Variants in GPC5 observed in about 807,000 individuals in gnomAD.
GPC5 encodes the protein glypican 5.
A neutral mutation model predicts 53.9 loss-of-function variants in GPC5; 47 were observed. That is an observed-to-expected ratio of 0.87 (90% CI 0.69 to 1.11). The LOEUF (loss-of-function observed/expected upper bound fraction) is 1.11. Among genes scored for constraint, GPC5 ranks in the 50% most tolerant of loss-of-function variants. The pLI, the probability that GPC5 is intolerant of heterozygous loss-of-function variation, is 0.00. For synonymous variants in GPC5, 286 were observed against 263.3 expected (o/e 1.09, Z -0.84); for missense variants, 748 against 713.1 (o/e 1.05, Z -0.56).
At chr13:92,503,373 A>G (rs994917986) in intron 7 of GPC5, among the ~76,000 whole-genome samples, 1 of 151,758 alleles carries the variant, frequency 6.6e-6, no homozygotes, top group East Asian at 1.9e-4. Flanking sequence ...CAGCAAATCA[A>G]ATTTGTGGGA....
intron 2 of GPC5, among the ~76,000 whole-genome samples, chr13:91,539,617 C>A (rs1352899340): frequency 2.0e-5 from 3 of 152,084 alleles, no homozygotes; most frequent in African/African-American, 7.2e-5. Context: ...TACCCTAGAG[C>A]CACATGTGGG....
intron 7 of GPC5, among the ~76,000 whole-genome samples, chr13:92,215,334 T>C (rs1391988153): frequency 2.0e-5 from 3 of 152,248 alleles, no homozygotes; most frequent in African/African-American, 7.2e-5. Context: ...TTTATTTCCA[T>C]TTAAAAATCT....
chr13:92,057,389 G>A (rs1354759382), intron 6 of GPC5, among the ~76,000 whole-genome samples: 1 of 152,180 alleles, frequency 6.6e-6, no homozygotes, highest in Non-Finnish European at 1.5e-5. Context: ...ATCCAGCTAA[G>A]CCTTGCCCAA....
At chr13:91,528,708 G>C (rs1383895616) in intron 2 of GPC5, among the ~76,000 whole-genome samples, 2 of 152,174 alleles carry the variant, frequency 1.3e-5, no homozygotes, top group Non-Finnish European at 2.9e-5. Flanking sequence ...AACCCCCTGA[G>C]AGTCAGTAAC....
chr13:91,652,260 G>T (rs577424837), intron 2 of GPC5, among the ~76,000 whole-genome samples: 1 of 151,584 alleles, frequency 6.6e-6, no homozygotes, highest in South Asian at 2.1e-4. Flanking sequence ...GTAAACTGAG[G>T]TGCACAAGCA....
chr13:92,448,296 CTT>C (rs1877914323), intron 7 of GPC5: 1 of 151,930 alleles, frequency 6.6e-6, no homozygotes, highest in Non-Finnish European at 1.5e-5. Context: ...CATGCATTTT[CTT>C]TTGAGTTTTT....
chr13:92,632,537 G>T (rs1461730121), intron 7 of GPC5, among the ~76,000 whole-genome samples: 1 of 147,912 alleles, frequency 6.8e-6, no homozygotes, highest in Non-Finnish European at 1.5e-5. Flanking sequence ...CAAGCTACCT[G>T]TATAGTTTAT....
At chr13:91,765,846 A>G (rs1441651029) in intron 5 of GPC5, among the ~76,000 whole-genome samples, 1 of 152,226 alleles carries the variant, frequency 6.6e-6, no homozygotes, top group East Asian at 1.9e-4. Flanking sequence ...AGAATGCTTT[A>G]AAATAATTCA....
At position 92,176,076 on chromosome 13, in the gene GPC5, G is replaced by A. The variant is rs181946633; in HGVS notation, c.1561+31087G>A. On this transcript the variant is annotated intron_variant, in intron 7 of 7. Coordinates refer to ENST00000377067, the MANE Select transcript of GPC5 (RefSeq NM_004466.6). ...GTGTTTGTTTTCCTCTAAGACAGTG[G>A]TTCTCAAATTTTAATGTGCATCAGA... Among the ~76,000 whole-genome samples, 142 of 152,262 alleles carry A rather than the reference G, an allele frequency of 9.3e-4. 1 individual carries two copies. The highest frequency in any genetic ancestry group is 3.2e-3 in the African/African-American group (135 of 41,550).
intron 2 of GPC5, among the ~76,000 whole-genome samples, chr13:91,451,173 C>T (rs1026641104): frequency 6.6e-6 from 1 of 152,148 alleles, no homozygotes; most frequent in Non-Finnish European, 1.5e-5. Context: ...AATCAATTAA[C>T]TTCTCAAATG....
At chr13:92,073,162 A>G (rs1350290297) in intron 6 of GPC5, among the ~76,000 whole-genome samples, 5 of 152,098 alleles carry the variant, frequency 3.3e-5, no homozygotes, top group African/African-American at 7.2e-5. Context: ...CCTAATTTTC[A>G]TATTTCTTGT....
At chr13:91,431,542 C>T (rs1315169395) in intron 1 of GPC5, among the ~76,000 whole-genome samples, 2 of 152,294 alleles carry the variant, frequency 1.3e-5, no homozygotes, top group East Asian at 1.9e-4. Flanking sequence ...ATAGAATAGG[C>T]ACTTCTCTCC....
At chr13:91,591,043 T>C (rs561629861) in intron 2 of GPC5, among the ~76,000 whole-genome samples, 88 of 152,300 alleles carry the variant, frequency 5.8e-4, no homozygotes, top group Admixed American at 2.4e-3. Context: ...AGCATTGTAT[T>C]GTTGATGTTT....
At chr13:91,442,618 C>T (rs1880519275) in intron 1 of GPC5, among the ~76,000 whole-genome samples, 1 of 152,194 alleles carries the variant, frequency 6.6e-6, no homozygotes, top group African/African-American at 2.4e-5. Context: ...TTGCTGATTG[C>T]ATTCTCATGG....
intron 7 of GPC5, among the ~76,000 whole-genome samples, chr13:92,708,582 T>G (rs1024882869): frequency 2.6e-5 from 4 of 152,184 alleles, no homozygotes; most frequent in African/African-American, 9.7e-5. Flanking sequence ...AATACAGCTC[T>G]AATTTATCAG....
chr13:91,914,092 G>A lies in GPC5; in HGVS notation c.1401+6035G>A, dbSNP rs187154684. 5.3e-5 allele frequency among the ~76,000 whole-genome samples: 8 copies of A among 152,218 alleles called. No homozygotes were observed. In the South Asian group the frequency reaches 1.2e-3, roughly 24 times the overall value. ...TATTATGTTTGTTTATGGCAAAGTT[G>A]TCAGCAAAAAAGTCACAGTTCTGCA... On this transcript the variant is annotated intron_variant, in intron 6 of 7. Transcript: ENST00000377067.
At chr13:92,809,474 A>ATGAC (rs1877215422) in intron 7 of GPC5, among the ~76,000 whole-genome samples, 1 of 152,128 alleles carries the variant, frequency 6.6e-6, no homozygotes, top group African/African-American at 2.4e-5. Context: ...TATAGATTAA[A>ATGAC]TGACTTGTCC....
intron 6 of GPC5, among the ~76,000 whole-genome samples, chr13:92,032,425 A>T (rs1203827338): frequency 1.3e-5 from 2 of 151,202 alleles, no homozygotes; most frequent in East Asian, 3.9e-4. Context: ...GTTTCCCCCC[A>T]AACCTATGGA....
intron 5 of GPC5, among the ~76,000 whole-genome samples, chr13:91,877,343 T>C (rs1334334390): frequency 6.6e-6 from 1 of 151,948 alleles, no homozygotes; most frequent in Non-Finnish European, 1.5e-5. Context: ...TGCCAGTCTG[T>C]GAAAGCAGCC....
Sources: gnomAD v4.1 joint callset for allele counts (sites outside exome capture counted in the v4.1 genomes callset) on GRCh38, gnomAD v4.1.1 for gene constraint, MANE v1.5 for transcripts, NCBI Gene and HGNC (gene_info 2026-07-23, HGNC 2026-07-21) for gene names.